SSU72: variants seen among roughly 807,000 people sequenced by gnomAD.
SSU72 encodes the protein RNA polymerase II subunit A C-terminal domain phosphatase SSU72.
A neutral mutation model predicts 22.7 loss-of-function variants in SSU72; 12 were observed. The observed-to-expected ratio is 0.53, with a 90% CI of 0.34 to 0.86. SSU72 has a LOEUF of 0.86. Among genes scored for constraint, SSU72 ranks in the 40% least tolerant of loss-of-function variants. The pLI is 0.02. For synonymous variants in SSU72, 116 were observed against 98.3 expected (o/e 1.18, Z -1.06); for missense variants, 151 against 249.8 (o/e 0.60, Z 2.67).
chr1:1,564,446 G>A, intron 2 of SSU72: 2 of 1,464,372 alleles, frequency 1.4e-6, no homozygotes, highest in African/African-American at 1.4e-5. Context: ...CAGCCCTGCA[G>A]TGTGAAAAGC....
chr1:1,570,056 TCA>T (rs1391106123), intron 1 of SSU72, among the ~76,000 whole-genome samples: 7 of 152,044 alleles, frequency 4.6e-5, no homozygotes, highest in South Asian at 4.1e-4. Context: ...AAAAGCACTA[TCA>T]CACAGAGTTT....
At chr1:1,568,262 T>C (rs988678681) in intron 1 of SSU72, among the ~76,000 whole-genome samples, 1 of 152,180 alleles carries the variant, frequency 6.6e-6, no homozygotes, top group African/African-American at 2.4e-5. Context: ...TGTAAACTAA[T>C]CTTCCAGACA....
At chr1:1,552,060 C>T (rs1002467473) in intron 2 of SSU72, among the ~76,000 whole-genome samples, 3 of 152,246 alleles carry the variant, frequency 2.0e-5, no homozygotes, top group African/African-American at 7.2e-5. Context: ...GGCTGACCAG[C>T]GTTCCGACCC....
intron 2 of SSU72, among the ~76,000 whole-genome samples, chr1:1,558,237 G>A (rs1642544539): frequency 6.6e-6 from 1 of 151,262 alleles, no homozygotes; most frequent in African/African-American, 2.4e-5. Flanking sequence ...CATGGCATAG[G>A]CCTCTGGTCC....
chr1:1,549,112 T>A (rs1422127265), intron 2 of SSU72, among the ~76,000 whole-genome samples: 2 of 151,834 alleles, frequency 1.3e-5, no homozygotes, highest in African/African-American at 2.4e-5. Context: ...ACAGAAAGTG[T>A]CATCAACACA....
chr1:1,553,753 T>C (rs1009901896), intron 2 of SSU72, among the ~76,000 whole-genome samples: 2 of 145,756 alleles, frequency 1.4e-5, no homozygotes, highest in Admixed American at 6.9e-5. Context: ...ACCACGCCAC[T>C]GCACCTCCAG....
chr1:1,572,664 A>G (rs1642745687), intron 1 of SSU72, among the ~76,000 whole-genome samples: 1 of 150,984 alleles, frequency 6.6e-6, no homozygotes, highest in African/African-American at 2.4e-5. Flanking sequence ...TCATCGTGTT[A>G]GCCAGGATAG....
At chr1:1,564,661 G>A in intron 2 of SSU72, 112 bp downstream of exon 2, 3 of 1,614,046 alleles carry the variant, frequency 1.9e-6, no homozygotes, top group Non-Finnish European at 2.5e-6. Flanking sequence ...AAAGACAGAG[G>A]AGCCAGTGTG....
intron 2 of SSU72, among the ~76,000 whole-genome samples, chr1:1,555,447 C>T (rs1185159159): frequency 1.3e-5 from 2 of 152,180 alleles, no homozygotes; most frequent in Non-Finnish European, 2.9e-5. Flanking sequence ...AAAGGAGGAA[C>T]CAGTGCTGCA....
chr1:1,574,688 G>A lies in SSU72; in HGVS notation c.-131C>T. On this transcript the variant is annotated 5_prime_UTR_variant, in exon 1 of 5. It adds an upstream start codon to the 5' untranslated region. Coordinates refer to ENST00000291386, the MANE Select transcript of SSU72 (RefSeq NM_014188.3). ...GAAACGACGGCGCCGGCGGTGTAGC[G>A]TGCGGCGACTGCGCGGCGGCCTCCC... The A allele has an allele frequency of 1.1e-6, 1 of 882,112 alleles. No individual in the cohort carries two copies. Among genetic ancestry groups the A allele is most frequent in the Non-Finnish European group, 1.6e-6 (1 of 631,218 alleles). The allele number at this position is 882,112 out of a possible 1,614,324, so 54.6% of individuals were successfully genotyped here. A position where few individuals can be genotyped will look rare whatever the true frequency, so the allele number is the denominator to read the frequency against.
At chr1:1,564,393 C>T (rs1422696828) in intron 2 of SSU72, 9 of 1,312,082 alleles carry the variant, frequency 6.9e-6, no homozygotes, top group South Asian at 1.6e-5. Flanking sequence ...CAGGCACGCA[C>T]GCACACACGC....
chr1:1,564,663 G>C, intron 2 of SSU72, 110 bp downstream of exon 2: 2 of 1,614,058 alleles, frequency 1.2e-6, no homozygotes, highest in Non-Finnish European at 8.5e-7. Context: ...AGACAGAGGA[G>C]CCAGTGTGTG....
chr1:1,574,038 G>A (rs895876586), intron 1 of SSU72, among the ~76,000 whole-genome samples: 1 of 148,280 alleles, frequency 6.7e-6, no homozygotes, highest in Admixed American at 7.7e-5. Context: ...AAAAAAAGAA[G>A]AAGAAGTAGC....
intron 1 of SSU72, among the ~76,000 whole-genome samples, chr1:1,572,921 C>T (rs1222545967): frequency 2.1e-5 from 3 of 144,356 alleles, no homozygotes; most frequent in African/African-American, 7.6e-5. Context: ...TTAAATGTAT[C>T]AAATTTTTAC....
intron 2 of SSU72, among the ~76,000 whole-genome samples, chr1:1,547,152 G>A (rs1160896310): frequency 6.6e-6 from 1 of 152,170 alleles, no homozygotes; most frequent in Non-Finnish European, 1.5e-5. Flanking sequence ...CAGGGGTCCA[G>A]TGGCAGCTTC....
At chr1:1,557,721 C>G (rs111716446) in intron 2 of SSU72, among the ~76,000 whole-genome samples, 14 of 151,860 alleles carry the variant, frequency 9.2e-5, no homozygotes, top group African/African-American at 3.1e-4. Context: ...TCGCTTGAAC[C>G]CGGGAGGCAA....
At chr1:1,573,893 T>C (rs995479786) in intron 1 of SSU72, among the ~76,000 whole-genome samples, 1 of 151,936 alleles carries the variant, frequency 6.6e-6, no homozygotes, top group Non-Finnish European at 1.5e-5. Context: ...TCATTAGACA[T>C]ACGCTACGCA....
intron 1 of SSU72, among the ~76,000 whole-genome samples, chr1:1,573,947 G>C (rs1404481813): frequency 6.6e-6 from 1 of 151,474 alleles, no homozygotes; most frequent in East Asian, 1.9e-4. Flanking sequence ...AACTAGCAGA[G>C]CCAAACCAAG....
chr1:1,548,419 G>A (rs919467752), intron 2 of SSU72, among the ~76,000 whole-genome samples: 14 of 152,278 alleles, frequency 9.2e-5, no homozygotes, highest in Admixed American at 8.5e-4. Context: ...GCCAGGCGTC[G>A]TGGCAGGCGC....
Sources: gnomAD v4.1 joint callset for allele counts (sites outside exome capture counted in the v4.1 genomes callset) on GRCh38, gnomAD v4.1.1 for gene constraint, MANE v1.5 for transcripts, NCBI Gene and HGNC (gene_info 2026-07-23, HGNC 2026-07-21) for gene names.